Variants in SEPTIN9 observed in about 807,000 individuals in gnomAD.
The protein encoded by SEPTIN9 is septin 9.
A neutral mutation model predicts 56.6 loss-of-function variants in SEPTIN9; 13 were observed. The ratio of observed to expected loss-of-function variants is 0.23; its 90% CI spans 0.15 to 0.37. The LOEUF is 0.37. SEPTIN9 is among the 10% of genes least tolerant of loss of function. The pLI is 1.00. For synonymous variants in SEPTIN9, 332 were observed against 334.1 expected, an observed-to-expected ratio of 0.99 and a Z score of 0.07; for missense variants, 650 against 823.1, an observed-to-expected ratio of 0.79 and a Z score of 2.57.
intron 2 of SEPTIN9, among the ~76,000 whole-genome samples, chr17:77,387,747 G>A (rs1324478804): frequency 2.0e-5 from 3 of 152,108 alleles, no homozygotes; most frequent in African/African-American, 2.4e-5. Context: ...GGTAAGAGGC[G>A]GCTGTCCCTG....
chr17:77,341,156 G>A (rs998933676), intron 2 of SEPTIN9, among the ~76,000 whole-genome samples: 1 of 151,972 alleles, frequency 6.6e-6, no homozygotes. Context: ...CTAGCTATTT[G>A]GCATAAGAGA....
chr17:77,477,813 C>T (rs757164066), intron 3 of SEPTIN9, among the ~76,000 whole-genome samples: 2 of 152,096 alleles, frequency 1.3e-5, no homozygotes, highest in African/African-American at 4.8e-5. Flanking sequence ...TGTGGGGTGA[C>T]GTGTCAGTTA....
chr17:77,365,739 G>A (rs1259715613), intron 2 of SEPTIN9, among the ~76,000 whole-genome samples: 1 of 152,196 alleles, frequency 6.6e-6, no homozygotes, highest in Non-Finnish European at 1.5e-5. Flanking sequence ...TGGGCCTTAC[G>A]GGATGGGCAG....
At chr17:77,307,026 G>A in intron 1 of SEPTIN9, 115 bp from the exon 2 acceptor site, 1 of 1,012,644 alleles carries the variant, frequency 9.9e-7, no homozygotes, top group African/African-American at 1.6e-5. Context: ...CCCCGTTTCT[G>A]GCTCTGGAAC....
At chr17:77,375,728 C>G (rs949684024) in intron 2 of SEPTIN9, 1 of 152,828 alleles carries the variant, frequency 6.5e-6, no homozygotes, top group Non-Finnish European at 1.5e-5. Flanking sequence ...TTATCAGTCT[C>G]CCCCTTGTGT....
At chr17:77,336,464 T>C (rs534617481) in intron 2 of SEPTIN9, among the ~76,000 whole-genome samples, 27 of 152,314 alleles carry the variant, frequency 1.8e-4, no homozygotes, top group African/African-American at 5.8e-4. Flanking sequence ...AAGAAAAAGA[T>C]CTTGCATGCC....
At chr17:77,300,586 A>G (rs1233815936) in intron 1 of SEPTIN9, among the ~76,000 whole-genome samples, 1 of 152,168 alleles carries the variant, frequency 6.6e-6, no homozygotes, top group Non-Finnish European at 1.5e-5. Context: ...GTCTGGAGAT[A>G]AGTCTGGAAT....
chr17:77,482,056 C>T lies in SEPTIN9; in HGVS notation c.722-88C>T, dbSNP rs2039476847. The T allele has an allele frequency of 1.2e-5, 16 of 1,291,756 alleles. No homozygotes were observed. The African/African-American group carries it at 1.3e-4, about 11-fold the overall frequency. 80.0% of individuals were successfully genotyped at this position (1,291,756 alleles called of 1,614,324 possible). A position where few individuals can be genotyped will look rare whatever the true frequency, so the allele number is the denominator to read the frequency against. ...CTGAGCCTCAGTGCCTCAGTTTCCC[C>T]ATCCAAGGATGGGTGTGACAACCAC... On this transcript the variant is annotated intron_variant, in intron 3 of 11. Transcript: ENST00000427177.
chr17:77,419,560 A>G (rs1460124298), intron 3 of SEPTIN9, among the ~76,000 whole-genome samples: 3 of 152,094 alleles, frequency 2.0e-5, no homozygotes, highest in Non-Finnish European at 4.4e-5. Context: ...CTGGCTGGGA[A>G]TGGTGGTCTG....
In SEPTIN9 at chr17:77,493,074, A is replaced by AAGGTACTC; in HGVS notation, c.1572_1573+6dup. On this transcript the variant is annotated frameshift_variant and splice_region_variant, in exon 10 of 12. Transcript: ENST00000427177. LOFTEE classifies it high-confidence loss of function. ...AGGAAGACCAAGTGGGGTACCATCG[A>AAGGTACTC]AGGTACTCGCCGCAGGCGCCGGGGC... 6.4e-7 allele frequency: 1 copy of AAGGTACTC among 1,555,256 alleles called. No individual in the cohort carries two copies. The highest frequency in any genetic ancestry group is 8.7e-7 in the Non-Finnish European group (1 of 1,149,408).
Position 77,434,469 on chromosome 17 carries a change from G to A in SEPTIN9, c.721+31766G>A, listed in dbSNP as rs555690396. ...TGTTGTCTCGCTAGCATATGAGCCC[G>A]TACTGCCTCTGAGTCTGCAGCCTGT... On this transcript the variant is annotated intron_variant, in intron 3 of 11. Coordinates refer to ENST00000427177, the MANE Select transcript of SEPTIN9 (RefSeq NM_001113491.2). This position sits in a 1 kb window ranked among gnomAD's most constrained non-coding sequence, Gnocchi z 5.0. Among the ~76,000 whole-genome samples the A allele has an allele frequency of 6.6e-6, 1 of 152,134 alleles. No individual in the cohort carries two copies. The highest frequency in any genetic ancestry group is 2.4e-5 in the African/African-American group (1 of 41,388).
At chr17:77,281,593 C>A (rs879115515) in intron 1 of SEPTIN9, 39 bp downstream of exon 1, 4 of 1,529,012 alleles carry the variant, frequency 2.6e-6, no homozygotes, top group Non-Finnish European at 1.8e-6. Flanking sequence ...GTCGGTGTCC[C>A]GGGACCAGCG....
chr17:77,397,354 C>T (rs2035753106), intron 2 of SEPTIN9, among the ~76,000 whole-genome samples: 1 of 152,180 alleles, frequency 6.6e-6, no homozygotes, highest in African/African-American at 2.4e-5. Context: ...CCCAAGTCCC[C>T]TTCTGCCTTT....
intron 2 of SEPTIN9, among the ~76,000 whole-genome samples, chr17:77,356,203 C>T (rs2034231821): frequency 6.6e-6 from 1 of 152,258 alleles, no homozygotes; most frequent in South Asian, 2.1e-4. Context: ...TTTCTCCATC[C>T]TACAGACACT....
intron 1 of SEPTIN9, among the ~76,000 whole-genome samples, chr17:77,302,081 A>G (rs1227012795): frequency 2.6e-5 from 4 of 152,200 alleles, no homozygotes; most frequent in East Asian, 1.9e-4. Flanking sequence ...AGTAACAACA[A>G]TGATACATCA....
intron 2 of SEPTIN9, among the ~76,000 whole-genome samples, chr17:77,336,315 A>G (rs760701622): frequency 4.1e-4 from 62 of 152,178 alleles, no homozygotes; most frequent in African/African-American, 1.1e-3. Flanking sequence ...CTGTAGATCA[A>G]TTAAGGAAGA....
chr17:77,352,554 C>T (rs867804209), intron 2 of SEPTIN9, among the ~76,000 whole-genome samples: 3 of 152,192 alleles, frequency 2.0e-5, no homozygotes, highest in African/African-American at 4.8e-5. Context: ...CCGAGCTCTG[C>T]GGCGGCCAGC....
intron 3 of SEPTIN9, among the ~76,000 whole-genome samples, chr17:77,474,041 A>G (rs1440229355): frequency 1.3e-5 from 2 of 152,128 alleles, no homozygotes; most frequent in Non-Finnish European, 2.9e-5. Flanking sequence ...CTGAACTGTT[A>G]ATAGTTAACA....
rs559402572 is a variant in SEPTIN9, at chr17:77,380,913, T to G, written c.77-21146T>G. Among the ~76,000 whole-genome samples, 733 of 152,230 alleles carry G rather than the reference T, an allele frequency of 4.8e-3. 8 individuals are homozygous for G. Among genetic ancestry groups the G allele is most frequent in the African/African-American group, 0.016 (670 of 41,528 alleles). ...TGAATGGGCAGTTCCTGGGAGCTGG[T>G]TTTTCCTTCTCACCCCTTCTACAGT... On this transcript the variant is annotated intron_variant, in intron 2 of 11. Transcript: ENST00000427177.
Sources: gnomAD v4.1 joint callset for allele counts (sites outside exome capture counted in the v4.1 genomes callset) on GRCh38, gnomAD v4.1.1 for gene constraint, Gnocchi (gnomAD v3.1) non-coding constraint, MANE v1.5 for transcripts, NCBI Gene and HGNC (gene_info 2026-07-23, HGNC 2026-07-21) for gene names.